Variants in SLCO1A2 observed in about 807,000 individuals in gnomAD.
SLCO1A2 encodes the protein solute carrier organic anion transporter family member 1A2, also known as OATP-1.
A neutral mutation model predicts 69.0 loss-of-function variants in SLCO1A2; 67 were observed. The ratio of observed to expected loss-of-function variants is 0.97; its 90% confidence interval spans 0.80 to 1.19. The LOEUF is 1.19. Among genes scored for constraint, SLCO1A2 ranks in the 50% most tolerant of loss-of-function variants. The pLI, the probability that SLCO1A2 is intolerant of heterozygous loss-of-function variation, is 0.00. For missense variants in SLCO1A2, 787 were observed against 793.7 expected (o/e 0.99, Z 0.10); for synonymous variants, 260 against 265.9 (o/e 0.98, Z 0.22).
rs1555133937 is a variant in SLCO1A2 at position 21,413,241 on chromosome 12, T to TTTC, written c.-312+4640_-312+4641insGAA. Among the ~76,000 whole-genome samples, 150 of 127,680 alleles carry TTTC rather than the reference T, an allele frequency of 1.2e-3. 1 individual carries two copies. Among genetic ancestry groups the TTTC allele is most frequent in the Middle Eastern group, 4.2e-3 (1 of 240 alleles). The allele number at this position is 127,680 out of a possible 152,430, so 83.8% of individuals were successfully genotyped here. The stretch of plus-strand genomic sequence containing the variant: ...TCTTCTTTTCTTTTTCTTTTTCTTT[T>TTTC]TTTTTTTTTTTTTTTGAGAAGGACC... On this transcript the variant is annotated intron_variant, in intron 1 of 4. Coordinates refer to the SLCO1A2 transcript ENST00000413682.
At chr12:21,386,150 G>A (rs923453984) in intron 1 of SLCO1A2, among the ~76,000 whole-genome samples, 2 of 152,206 alleles carry the variant, frequency 1.3e-5, no homozygotes, top group Non-Finnish European at 2.9e-5. Flanking sequence ...AGATACTATA[G>A]TAGGGTCATT....
chr12:21,328,755 C>A (rs1465141321), intron 2 of SLCO1A2, among the ~76,000 whole-genome samples: 2 of 151,946 alleles, frequency 1.3e-5, no homozygotes, highest in African/African-American at 4.8e-5. Flanking sequence ...CACCCAGTTT[C>A]CCCTGAACTA....
intron 1 of SLCO1A2, among the ~76,000 whole-genome samples, chr12:21,376,779 T>C (rs1940227091): frequency 6.6e-6 from 1 of 152,060 alleles, no homozygotes; most frequent in Admixed American, 6.6e-5. Flanking sequence ...GATAAATCCA[T>C]TGCATTTGAG....
chr12:21,298,211 T>C (rs1484775946), intron 8 of SLCO1A2, among the ~76,000 whole-genome samples: 1 of 152,190 alleles, frequency 6.6e-6, no homozygotes, highest in South Asian at 2.1e-4. Context: ...GAGATGCTGA[T>C]TCATTTGGTA....
chr12:21,334,527 G>A, intron 2 of SLCO1A2, 61 bp downstream of exon 2: 1 of 1,220,254 alleles, frequency 8.2e-7, no homozygotes, highest in Non-Finnish European at 1.2e-6. Context: ...ATTTTACCAG[G>A]ACTGTCGTAT....
At chr12:21,371,881 A>G (rs1265353556) in intron 2 of SLCO1A2, among the ~76,000 whole-genome samples, 1 of 152,112 alleles carries the variant, frequency 6.6e-6, no homozygotes, top group Non-Finnish European at 1.5e-5. Flanking sequence ...GCATGCCTGT[A>G]ATCCCAGCTA....
chr12:21,326,378 G>A (rs1040855975), intron 2 of SLCO1A2, among the ~76,000 whole-genome samples: 4 of 152,164 alleles, frequency 2.6e-5, no homozygotes, highest in Non-Finnish European at 5.9e-5. Flanking sequence ...TTTGGAACTG[G>A]GTAACAGGCA....
chr12:21,413,223 T>C (rs1941936696), intron 1 of SLCO1A2, among the ~76,000 whole-genome samples: 1 of 115,160 alleles, frequency 8.7e-6, no homozygotes, highest in Admixed American at 9.4e-5. Flanking sequence ...CTTTCTTCTT[T>C]TCTTTTTCTT....
At chr12:21,331,294 G>A (rs558607676) in intron 2 of SLCO1A2, among the ~76,000 whole-genome samples, 7 of 152,028 alleles carry the variant, frequency 4.6e-5, no homozygotes, top group African/African-American at 1.2e-4. Context: ...GAAGGGGGAA[G>A]GAGAAATAGT....
chr12:21,317,736 TG>T (rs1414943426), intron 3 of SLCO1A2, among the ~76,000 whole-genome samples: 2 of 152,198 alleles, frequency 1.3e-5, no homozygotes, highest in Non-Finnish European at 2.9e-5. Flanking sequence ...TCCTCAATCC[TG>T]ATTTTTTAAA....
At chr12:21,309,845 A>G (rs1186101517) in intron 4 of SLCO1A2, among the ~76,000 whole-genome samples, 3 of 152,190 alleles carry the variant, frequency 2.0e-5, no homozygotes, top group African/African-American at 7.2e-5. Context: ...GGCCTAGAGA[A>G]TTCCAAGTTC....
At chr12:21,294,706 T>C (rs1383763391) in intron 10 of SLCO1A2, 2 of 152,182 alleles carry the variant, frequency 1.3e-5, no homozygotes, top group Non-Finnish European at 1.5e-5. Flanking sequence ...GAGGCAATCT[T>C]TAAAATTTAT....
intron 14 of SLCO1A2, among the ~76,000 whole-genome samples, chr12:21,273,512 C>CTAAT (rs1479953287): frequency 6.6e-6 from 1 of 152,162 alleles, no homozygotes; most frequent in East Asian, 1.9e-4. Flanking sequence ...ATTGACCAGT[C>CTAAT]TAATTGGTCT....
chr12:21,378,235 A>T, intron 1 of SLCO1A2: 1 of 1,613,964 alleles, frequency 6.2e-7, no homozygotes, highest in Non-Finnish European at 8.5e-7. Context: ...CCATGTTACC[A>T]GTCATCAGGT....
intron 2 of SLCO1A2, among the ~76,000 whole-genome samples, chr12:21,352,884 C>T (rs990789101): frequency 2.0e-5 from 3 of 152,198 alleles, no homozygotes; most frequent in Non-Finnish European, 4.4e-5. Flanking sequence ...GTTTGTCCCA[C>T]TCAATTTACA....
chr12:21,418,565 T>A (rs983897380), upstream of SLCO1A2, among the ~76,000 whole-genome samples: 8 of 152,076 alleles, frequency 5.3e-5, no homozygotes, highest in African/African-American at 1.9e-4. Flanking sequence ...CAAGAGAGAA[T>A]GAGAGCCAAG....
intron 1 of SLCO1A2, among the ~76,000 whole-genome samples, chr12:21,375,406 A>G (rs1940119442): frequency 6.6e-6 from 1 of 152,206 alleles, no homozygotes; most frequent in African/African-American, 2.4e-5. Context: ...ATCTATGGGG[A>G]AAATGTGTCA....
chr12:21,302,595 A>G (rs955980297), intron 6 of SLCO1A2, among the ~76,000 whole-genome samples: 3 of 149,230 alleles, frequency 2.0e-5, no homozygotes, highest in Non-Finnish European at 4.4e-5. Flanking sequence ...CTTATTGCTC[A>G]GGCTGGAGTG....
chr12:21,315,090 A>T (rs980107123), intron 3 of SLCO1A2, among the ~76,000 whole-genome samples: 4 of 152,204 alleles, frequency 2.6e-5, no homozygotes, highest in Non-Finnish European at 1.5e-5. Flanking sequence ...GAACATTATC[A>T]TGTTTTCCTA....
Sources: gnomAD v4.1 joint callset for allele counts (sites outside exome capture counted in the v4.1 genomes callset) on GRCh38, gnomAD v4.1.1 for gene constraint, MANE v1.5 for transcripts, NCBI Gene and HGNC (gene_info 2026-07-23, HGNC 2026-07-21) for gene names.